The following SBSPON variants were observed in gnomAD, a reference collection of about 807,000 sequenced individuals.
SBSPON encodes somatomedin B and thrombospondin type 1 domain containing.
A neutral mutation model predicts 35.8 loss-of-function variants in SBSPON; 30 were observed. The ratio of observed to expected loss-of-function variants is 0.84; its 90% CI spans 0.63 to 1.14. SBSPON has a LOEUF of 1.14. Ranked by LOEUF, SBSPON falls within the 50% of genes most tolerant of loss-of-function variation. The pLI, the probability that SBSPON is intolerant of heterozygous loss-of-function variation, is 0.00. For missense variants in SBSPON, 364 were observed against 357.7 expected (o/e 1.02, Z -0.14); for synonymous variants, 136 against 135.9 (o/e 1.00, Z 0.00).
intron 2 of SBSPON, among the ~76,000 whole-genome samples, chr8:73,072,326 T>G (rs1810509203): frequency 6.7e-6 from 1 of 148,800 alleles, no homozygotes. Flanking sequence ...CAAAAGAGAG[T>G]AAAAGCGGAT....
Position 73,093,148 on chromosome 8 carries a change from G to T in SBSPON, c.-81C>A. On this transcript the variant is annotated 5_prime_UTR_variant, in exon 1 of 5. Transcript: ENST00000297354. ...ATCCTCGGCTGGCCGCGGCCCGGGAGCTGCCCGAGCGGCCGGCGAGGCACA... is the reference window on the plus strand; with the variant it reads ...ATCCTCGGCTGGCCGCGGCCCGGGATCTGCCCGAGCGGCCGGCGAGGCACA... 1.4e-6 allele frequency: 1 copy of T among 727,162 alleles called. No individual in the cohort carries two copies. The highest frequency in any genetic ancestry group is 1.8e-6 in the Non-Finnish European group (1 of 544,204). 45.0% of individuals were successfully genotyped at this position (727,162 alleles called of 1,614,324 possible).
At chr8:73,092,502 C>A (rs1810954894) in intron 1 of SBSPON, among the ~76,000 whole-genome samples, 1 of 152,202 alleles carries the variant, frequency 6.6e-6, no homozygotes, top group Non-Finnish European at 1.5e-5. Context: ...CCTTATCTGT[C>A]AGTGCCATCT....
At chr8:73,073,616 G>A (rs1051551774) in intron 2 of SBSPON, among the ~76,000 whole-genome samples, 2 of 152,128 alleles carry the variant, frequency 1.3e-5, no homozygotes, top group African/African-American at 4.8e-5. Flanking sequence ...GACCAGCCTG[G>A]CCAACATGGT....
At chr8:73,086,888 A>C (rs1400570763) in intron 1 of SBSPON, among the ~76,000 whole-genome samples, 2 of 152,232 alleles carry the variant, frequency 1.3e-5, no homozygotes, top group East Asian at 3.8e-4. Flanking sequence ...TTTGTAGTTA[A>C]GGAAAGAAAA....
intron 2 of SBSPON, among the ~76,000 whole-genome samples, chr8:73,080,788 G>A (rs1292140577): frequency 1.3e-5 from 2 of 152,106 alleles, no homozygotes; most frequent in Non-Finnish European, 2.9e-5. Context: ...ATGGGCCATC[G>A]GATTATAAAA....
rs193212586 is a variant in SBSPON, at chr8:73,080,638, G to A, written c.409+381C>T. Among the ~76,000 whole-genome samples, 78 of 152,310 alleles carry A rather than the reference G, an allele frequency of 5.1e-4. 3 individuals carry two copies. In the East Asian group the frequency reaches 0.014, roughly 28 times the overall value. On this transcript the variant is annotated intron_variant, in intron 2 of 4. Transcript: ENST00000297354. Reference sequence around the variant, plus strand: ...AGGAATTGCAGTGGAAGGTGAAATAGCGTTATACTTCCTGGACTCTTACTG... The same window carrying A: ...AGGAATTGCAGTGGAAGGTGAAATAACGTTATACTTCCTGGACTCTTACTG...
At chr8:73,072,617 C>T (rs146637755) in intron 2 of SBSPON, among the ~76,000 whole-genome samples, 3,763 of 152,256 alleles carry the variant, frequency 0.025, 170 homozygotes, top group African/African-American at 0.085. Context: ...TTCAGTGAGC[C>T]GACATCGCGC....
Position 73,093,044 on chromosome 8 carries a change from C to T in SBSPON, c.24G>A (p.Leu8=), listed in dbSNP as rs1249094106. The part of the protein sequence containing the change: MRTLWMA[L]CALSRLWPGA... Reference sequence around the variant, plus strand: ...CGGGCCACAGCCGCGACAGCGCGCACAGCGCCATCCACAGGGTCCTCATGG... The same window carrying T: ...CGGGCCACAGCCGCGACAGCGCGCATAGCGCCATCCACAGGGTCCTCATGG... The change falls in exon 1 of 5, where the codon CTG becomes CTA. Residue 8 remains leucine, a synonymous_variant. Coordinates refer to ENST00000297354, the MANE Select transcript of SBSPON (RefSeq NM_153225.4). The T allele has an allele frequency of 1.5e-6, 2 of 1,374,440 alleles. No individual in the cohort carries two copies. Among genetic ancestry groups the T allele is most frequent in the South Asian group, 1.8e-5 (1 of 54,862 alleles). The allele number at this position is 1,374,440 out of a possible 1,614,324, so 85.1% of individuals were successfully genotyped here.
At chr8:73,074,122 A>C (rs1014479454) in intron 2 of SBSPON, among the ~76,000 whole-genome samples, 24 of 152,216 alleles carry the variant, frequency 1.6e-4, no homozygotes, top group African/African-American at 5.5e-4. Context: ...TAAGTGAAGA[A>C]TCAATTTACT....
In SBSPON at chr8:73,081,070, C is replaced by A; in HGVS notation, c.358G>T (p.Gly120Cys). The change falls in exon 2 of 5, where the codon GGC (glycine) becomes TGC (cysteine). Residue 120 changes from glycine to cysteine, a missense_variant. By Grantham distance (159) the Gly-to-Cys change is radical (BLOSUM62 -3). Transcript: ENST00000297354. ...TGCGGGGTGGAGTACTCCAGGCAGC[C>A]AGCTCTCTCTTCCAGGGGTGGGCAG... Reference protein sequence around the residue: ...APCPPLEERAGCLEYSTPQGQ... With the variant: ...APCPPLEERACCLEYSTPQGQ... 6.2e-7 allele frequency: 1 copy of A among 1,612,538 alleles called. No individual in the cohort carries two copies. The highest frequency in any genetic ancestry group is 8.5e-7 in the Non-Finnish European group (1 of 1,179,298).
intron 1 of SBSPON, among the ~76,000 whole-genome samples, chr8:73,086,206 G>A (rs892659544): frequency 2.0e-5 from 3 of 150,974 alleles, no homozygotes; most frequent in Non-Finnish European, 2.9e-5. Flanking sequence ...TGTCACCCAC[G>A]CTGGAGTGCA....
chr8:73,071,771 C>G lies in SBSPON; in HGVS notation c.500+9G>C, dbSNP rs754525042. 4.7e-6 allele frequency: 7 copies of G among 1,500,620 alleles called. No individual in the cohort carries two copies. The highest frequency in any genetic ancestry group is 3.9e-5 in the Admixed American group (2 of 51,312). 93.0% of individuals were successfully genotyped at this position (1,500,620 alleles called of 1,614,324 possible). On this transcript the variant is annotated intron_variant, in intron 3 of 4. Transcript: ENST00000297354. The stretch of plus-strand genomic sequence containing the variant: ...ACATGATTAAAAAAAAAAAAAAACA[C>G]GAAATTACCCAGCATCCTCTGTGTG...
chr8:73,085,916 CT>C (rs1810815597), intron 1 of SBSPON: 1 of 152,138 alleles, frequency 6.6e-6, no homozygotes, highest in Non-Finnish European at 1.5e-5. Context: ...TGCCTATTGG[CT>C]TTTTGCCATC....
In SBSPON at chr8:73,093,004, A is replaced by C. The variant is rs906559325; in HGVS notation, c.64T>G (p.Cys22Gly). Residue 22 changes from cysteine (C) to glycine (G), a missense_variant, in exon 1 of 5, where the codon TGC becomes GGC. Physicochemically the swap from Cys to Gly is radical, Grantham distance 159 (BLOSUM62 -3). Coordinates refer to ENST00000297354, the MANE Select transcript of SBSPON (RefSeq NM_153225.4). ...SRLWPGAQAG[C>G]AEAGRCCPGR... ...GGACAGCAGCGCCCGGCCTCGGCGC[A>C]GCCGGCCTGGGCCCCGGGCCACAGC... The C allele has an allele frequency of 6.7e-7, 1 of 1,494,430 alleles. No individual in the cohort carries two copies. Among genetic ancestry groups the C allele is most frequent in the Non-Finnish European group, 8.9e-7 (1 of 1,125,292 alleles). 92.6% of individuals were successfully genotyped at this position (1,494,430 alleles called of 1,614,324 possible).
chr8:73,082,635 C>T (rs1241084523), intron 1 of SBSPON, among the ~76,000 whole-genome samples: 1 of 152,238 alleles, frequency 6.6e-6, no homozygotes, highest in Non-Finnish European at 1.5e-5. Context: ...CGTTACAGTT[C>T]ATTCCCAATA....
Position 73,065,557 on chromosome 8 carries a change from C to T in SBSPON, c.*1784G>A, listed in dbSNP as rs1482816450. The T allele has an allele frequency of 2.0e-5, 3 of 151,776 alleles. No homozygotes were observed. Among genetic ancestry groups the T allele is most frequent in the Non-Finnish European group, 4.4e-5 (3 of 68,000 alleles). The allele number at this position is 151,776 out of a possible 1,614,324, so 9.4% of individuals were successfully genotyped here. On this transcript the variant is annotated 3_prime_UTR_variant, in exon 5 of 5. Coordinates refer to ENST00000297354, the MANE Select transcript of SBSPON (RefSeq NM_153225.4). ...TTGGGAGGCCGAGGTGGGTGGATCACGAGGTCAGGAGATCGAGACCACCCT... is the reference window on the plus strand; with the variant it reads ...TTGGGAGGCCGAGGTGGGTGGATCATGAGGTCAGGAGATCGAGACCACCCT...
At chr8:73,077,874 G>T (rs960762627) in intron 2 of SBSPON, among the ~76,000 whole-genome samples, 2 of 152,148 alleles carry the variant, frequency 1.3e-5, no homozygotes, top group Admixed American at 6.5e-5. Flanking sequence ...TCTCTCTTAT[G>T]GAATGAAAAT....
At chr8:73,084,755 CACACACACACA>C in intron 1 of SBSPON, among the ~76,000 whole-genome samples, 1 of 55,182 alleles carries the variant, frequency 1.8e-5, no homozygotes, top group Admixed American at 1.6e-4. Flanking sequence ...CACAGACACA[CACACACACACA>C]CACACACACA....
intron 1 of SBSPON, among the ~76,000 whole-genome samples, chr8:73,090,101 C>T (rs969428182): frequency 6.6e-6 from 1 of 152,222 alleles, no homozygotes; most frequent in African/African-American, 2.4e-5. Context: ...TGGTCTCAAA[C>T]TCCTGAGCTC....
Sources: allele counts gnomAD v4.1 joint callset (sites outside exome capture counted in the v4.1 genomes callset), GRCh38; gene constraint gnomAD v4.1.1; transcripts MANE v1.5; gene names NCBI Gene and HGNC (gene_info 2026-07-23, HGNC 2026-07-21).